ARHGAP18: variants seen among roughly 807,000 people sequenced by gnomAD.
ARHGAP18 encodes rho GTPase-activating protein 18.
In ARHGAP18, 67 loss-of-function variants were observed where a neutral mutation model predicts 86.2. The observed-to-expected ratio is 0.78, with a 90% CI of 0.64 to 0.95. The LOEUF (loss-of-function observed/expected upper bound fraction) is 0.95. ARHGAP18 is among the 40% of genes least tolerant of loss of function. ARHGAP18 has a pLI of 0.00. For synonymous variants in ARHGAP18, 283 were observed against 280.4 expected, an observed-to-expected ratio of 1.01 and a Z score of -0.09; for missense variants, 691 against 780.4, an observed-to-expected ratio of 0.89 and a Z score of 1.37.
At chr6:129,684,647 G>A (rs760783063) in intron 1 of ARHGAP18, among the ~76,000 whole-genome samples, 10 of 152,094 alleles carry the variant, frequency 6.6e-5, no homozygotes, top group Non-Finnish European at 1.0e-4. Flanking sequence ...GCACACAGAG[G>A]GTCCTCCAAA....
intron 1 of ARHGAP18, among the ~76,000 whole-genome samples, chr6:129,686,844 G>T (rs1010341222): frequency 7.0e-6 from 1 of 142,672 alleles, no homozygotes; most frequent in Admixed American, 7.3e-5. Flanking sequence ...AGGCCGGTGT[G>T]CAATGGCGCG....
intron 1 of ARHGAP18, 46 bp downstream of exon 1, chr6:129,709,978 A>G: frequency 6.8e-7 from 1 of 1,464,606 alleles, no homozygotes. Context: ...TTCTTCCTGG[A>G]GCAGGTAAGA....
chr6:129,617,639 TA>T (rs927818976), intron 6 of ARHGAP18, among the ~76,000 whole-genome samples: 9 of 147,182 alleles, frequency 6.1e-5, no homozygotes, highest in East Asian at 3.9e-4. Flanking sequence ...ACATAAGAAT[TA>T]AAAAAAAAAA....
In ARHGAP18 at chr6:129,680,162, C is replaced by G. The variant is rs78492356; in HGVS notation, c.113+29862G>C. Among the ~76,000 whole-genome samples, 967 of 152,272 alleles carry G rather than the reference C, an allele frequency of 6.4e-3. 13 individuals carry two copies. Among genetic ancestry groups the G allele is most frequent in the African/African-American group, 0.022 (932 of 41,538 alleles). Reference sequence around the variant, plus strand: ...CCCTTTTTCCAAATAAGTTCACATTCACAACTTCTGTGAATTAGGACCTTT... The same window carrying G: ...CCCTTTTTCCAAATAAGTTCACATTGACAACTTCTGTGAATTAGGACCTTT... On this transcript the variant is annotated intron_variant, in intron 1 of 14. Coordinates refer to ENST00000368149, the MANE Select transcript of ARHGAP18 (RefSeq NM_033515.3).
intron 10 of ARHGAP18, among the ~76,000 whole-genome samples, chr6:129,604,209 C>T (rs1467442428): frequency 4.7e-5 from 7 of 150,070 alleles, no homozygotes; most frequent in Non-Finnish European, 1.5e-5. Flanking sequence ...TACTCCCCCC[C>T]CCCTTAATTA....
chr6:129,696,123 T>G (rs145077397), intron 1 of ARHGAP18, among the ~76,000 whole-genome samples: 2 of 152,326 alleles, frequency 1.3e-5, no homozygotes, highest in African/African-American at 4.8e-5. Context: ...GCAATTAATT[T>G]TTGTATAGCC....
chr6:129,591,644 A>C (rs1055802436), intron 12 of ARHGAP18, among the ~76,000 whole-genome samples: 3 of 152,166 alleles, frequency 2.0e-5, no homozygotes, highest in Non-Finnish European at 2.9e-5. Context: ...TGCATTGCTC[A>C]TATTTTTGCA....
chr6:129,576,903 T>G lies in ARHGAP18; in HGVS notation c.*1610A>C, dbSNP rs181349835. 7.2e-5 allele frequency: 11 copies of G among 152,134 alleles called. No homozygotes were observed. The highest frequency in any genetic ancestry group is 1.5e-4 in the Non-Finnish European group (10 of 67,980). The allele number at this position is 152,134 out of a possible 1,614,324, so 9.4% of individuals were successfully genotyped here. On this transcript the variant is annotated 3_prime_UTR_variant, in exon 15 of 15. Transcript: ENST00000368149. ...TTTGAAAATCCTGAAGAATAAAAATTTGTAAAAGGAAAAAAACTAAAGACG... is the reference window on the plus strand; with the variant it reads ...TTTGAAAATCCTGAAGAATAAAAATGTGTAAAAGGAAAAAAACTAAAGACG...
chr6:129,638,402 T>C lies in ARHGAP18; in HGVS notation c.544A>G (p.Lys182Glu), dbSNP rs774399070. 5 of 1,613,398 alleles carry C rather than the reference T, an allele frequency of 3.1e-6. No individual in the cohort carries two copies. Among genetic ancestry groups the C allele is most frequent in the Admixed American group, 1.7e-5 (1 of 59,854 alleles). ...RDIFAQQRESKETAPGGTESQ... is the reference protein window; with the variant it reads ...RDIFAQQRESEETAPGGTESQ... ...CAAAAAAGAAAACCTACTGTTTCTTTTGATTCTCTCTGTTGAGCAAATATG... is the reference window on the plus strand; with the variant it reads ...CAAAAAAGAAAACCTACTGTTTCTTCTGATTCTCTCTGTTGAGCAAATATG... The change falls in exon 3 of 15, where the codon AAA becomes GAA. Residue 182 changes from lysine (K) to glutamate (E), a missense_variant. Coordinates refer to ENST00000368149, the MANE Select transcript of ARHGAP18 (RefSeq NM_033515.3).
chr6:129,637,722 C>T lies in ARHGAP18; in HGVS notation c.552+672G>A, dbSNP rs182458922. On this transcript the variant is annotated intron_variant, in intron 3 of 14. Coordinates refer to ENST00000368149, the MANE Select transcript of ARHGAP18 (RefSeq NM_033515.3). ...CCAATCTCGCTGTTTCTGTACCTCA[C>T]TTCCATTTTCTGTAGATCACTTTCC... Among the ~76,000 whole-genome samples, 25 of 152,308 alleles carry T rather than the reference C, an allele frequency of 1.6e-4. No individual in the cohort carries two copies. In the East Asian group the frequency reaches 2.1e-3, roughly 13 times the overall value.
At chr6:129,635,761 G>C (rs1437123323) in intron 3 of ARHGAP18, among the ~76,000 whole-genome samples, 1 of 152,216 alleles carries the variant, frequency 6.6e-6, no homozygotes, top group African/African-American at 2.4e-5. Flanking sequence ...GGGAGATAAA[G>C]CACTTTTCTA....
chr6:129,583,896 A>C (rs890713045), intron 13 of ARHGAP18, 92 bp downstream of exon 13: 2 of 1,496,742 alleles, frequency 1.3e-6, no homozygotes, highest in Non-Finnish European at 1.8e-6. Flanking sequence ...AAAACAAAAA[A>C]AAAAAAAAGG....
intron 7 of ARHGAP18, among the ~76,000 whole-genome samples, chr6:129,613,271 A>T (rs1030386920): frequency 2.0e-5 from 3 of 151,776 alleles, no homozygotes; most frequent in African/African-American, 7.3e-5. Flanking sequence ...AAATTTCTGG[A>T]ATATTTTCCA....
chr6:129,702,301 A>C (rs1258495795), intron 1 of ARHGAP18, among the ~76,000 whole-genome samples: 1 of 152,238 alleles, frequency 6.6e-6, no homozygotes, highest in Non-Finnish European at 1.5e-5. Flanking sequence ...ATGTGCCTTC[A>C]GAAAGATCTA....
At chr6:129,706,023 T>G (rs1169582536) in intron 1 of ARHGAP18, among the ~76,000 whole-genome samples, 1 of 152,174 alleles carries the variant, frequency 6.6e-6, no homozygotes, top group Non-Finnish European at 1.5e-5. Flanking sequence ...TGCCATACAT[T>G]TATTCAGAGA....
chr6:129,626,107 T>C (rs563060697), intron 5 of ARHGAP18, among the ~76,000 whole-genome samples: 311 of 40,282 alleles, frequency 7.7e-3, no homozygotes, highest in African/African-American at 0.019. Flanking sequence ...CACACACACA[T>C]ATATAGAAGA....
chr6:129,612,338 C>T (rs141466083), intron 7 of ARHGAP18, among the ~76,000 whole-genome samples: 9 of 152,200 alleles, frequency 5.9e-5, no homozygotes, highest in African/African-American at 1.7e-4. Flanking sequence ...ACACAAAGGC[C>T]GTATAAAACA....
intron 1 of ARHGAP18, among the ~76,000 whole-genome samples, chr6:129,654,596 CG>C (rs1202603077): frequency 6.6e-6 from 1 of 152,124 alleles, no homozygotes; most frequent in African/African-American, 2.4e-5. Flanking sequence ...TGAAGAAGAG[CG>C]TAAGTAGTTC....
At chr6:129,589,086 T>C (rs1788459883) in intron 12 of ARHGAP18, among the ~76,000 whole-genome samples, 1 of 152,194 alleles carries the variant, frequency 6.6e-6, no homozygotes, top group African/African-American at 2.4e-5. Flanking sequence ...AAGGGCTGCC[T>C]TGAAGGTCTC....
Sources: allele counts gnomAD v4.1 joint callset (sites outside exome capture counted in the v4.1 genomes callset), GRCh38; gene constraint gnomAD v4.1.1; transcripts MANE v1.5; gene names NCBI Gene and HGNC (gene_info 2026-07-23, HGNC 2026-07-21).